Variants in RIC8B observed in about 807,000 individuals in gnomAD.
RIC8B encodes the protein chaperone Ric-8B.
Under a neutral mutation model 57.5 loss-of-function variants are expected in RIC8B, and 16 were observed. The ratio of observed to expected loss-of-function variants is 0.28; its 90% confidence interval spans 0.19 to 0.42. The LOEUF (loss-of-function observed/expected upper bound fraction) is 0.42, where lower values mean the gene tolerates loss of function less well. RIC8B is among the 10% of genes least tolerant of loss of function. The probability of loss-of-function intolerance (pLI) is 1.00; values close to 1 mark genes in which losing one functional copy is unlikely to be tolerated. For synonymous variants in RIC8B, 216 were observed against 250.8 expected, an observed-to-expected ratio of 0.86 and a Z score of 1.31; for missense variants, 481 against 677.0, an observed-to-expected ratio of 0.71 and a Z score of 3.21.
In RIC8B at chr12:106,842,685, T is replaced by C. The variant is rs1439118257; in HGVS notation, c.933T>C (p.Thr311=). The part of the protein sequence containing the change: ...THEETAQEAT[T]LDELPSNKTA... ...AAGAAACAGCCCAAGAGGCAACGAC[T>C]CTAGATGAACTGCCCAGTAATAAAA... The change falls in exon 5 of 10, where the codon ACT becomes ACC. Residue 311 remains threonine (T), a synonymous_variant. Coordinates refer to ENST00000392837, the MANE Select transcript of RIC8B (RefSeq NM_001330145.2). 6.2e-7 allele frequency: 1 copy of C among 1,613,880 alleles called. No individual in the cohort carries two copies. The highest frequency in any genetic ancestry group is 8.5e-7 in the Non-Finnish European group (1 of 1,179,886).
At chr12:106,792,480 C>A (rs1000128340) in intron 2 of RIC8B, among the ~76,000 whole-genome samples, 4 of 152,328 alleles carry the variant, frequency 2.6e-5, no homozygotes, top group African/African-American at 9.6e-5. Flanking sequence ...ATAGAGATTT[C>A]ATCAAGAAGT....
intron 4 of RIC8B, among the ~76,000 whole-genome samples, chr12:106,840,745 T>C (rs1948908590): frequency 6.6e-6 from 1 of 152,212 alleles, no homozygotes; most frequent in Non-Finnish European, 1.5e-5. Context: ...ATTTACTGAA[T>C]TCCTGGAAAC....
chr12:106,856,388 CT>C (rs1437146467), intron 7 of RIC8B, among the ~76,000 whole-genome samples: 1 of 152,186 alleles, frequency 6.6e-6, no homozygotes, highest in African/African-American at 2.4e-5. Context: ...TATTTTAAAT[CT>C]GTTCCCCTGT....
At position 106,867,933 on chromosome 12, in the gene RIC8B, G is replaced by T. The variant is rs1330997986; in HGVS notation, c.1452-2890G>T. 1.3e-5 allele frequency among the ~76,000 whole-genome samples: 2 copies of T among 152,192 alleles called. No individual in the cohort carries two copies. The highest frequency in any genetic ancestry group is 2.9e-5 in the Non-Finnish European group (2 of 68,034). ...AATGTTTTACTCTATGGCAAAAAATGAGTTCTTACTCTGTAAGAATGAATT... is the reference window on the plus strand; with the variant it reads ...AATGTTTTACTCTATGGCAAAAAATTAGTTCTTACTCTGTAAGAATGAATT... On this transcript the variant is annotated intron_variant, in intron 8 of 9. Coordinates refer to ENST00000392837, the MANE Select transcript of RIC8B (RefSeq NM_001330145.2). The surrounding 1 kb of genome is among the most constrained non-coding windows in gnomAD (Gnocchi z 4.3).
intron 9 of RIC8B, among the ~76,000 whole-genome samples, chr12:106,877,367 T>G (rs1228195167): frequency 6.6e-6 from 1 of 152,148 alleles, no homozygotes; most frequent in Non-Finnish European, 1.5e-5. Context: ...TGTCTGATTA[T>G]TTTTAAATAA....
intron 2 of RIC8B, among the ~76,000 whole-genome samples, chr12:106,802,623 A>G (rs1340582780): frequency 6.8e-6 from 1 of 146,272 alleles, no homozygotes; most frequent in Non-Finnish European, 1.5e-5. Context: ...ATCTGTTCTT[A>G]GAAATTCCCT....
At chr12:106,839,188 A>G (rs1321385747) in intron 4 of RIC8B, among the ~76,000 whole-genome samples, 2 of 152,224 alleles carry the variant, frequency 1.3e-5, no homozygotes, top group African/African-American at 4.8e-5. Context: ...AGGAAATAAA[A>G]TCACTGTTTC....
At chr12:106,812,322 A>G (rs1251079891) in intron 2 of RIC8B, among the ~76,000 whole-genome samples, 2 of 152,158 alleles carry the variant, frequency 1.3e-5, no homozygotes, top group East Asian at 1.9e-4. Context: ...CATGTCCCAG[A>G]GTTTCTCAGT....
At chr12:106,780,026 A>G (rs922616304) in intron 1 of RIC8B, among the ~76,000 whole-genome samples, 2 of 151,870 alleles carry the variant, frequency 1.3e-5, no homozygotes, top group African/African-American at 4.8e-5. Context: ...CTTCTCTAAT[A>G]ACACATTTAG....
chr12:106,786,027 T>C lies in RIC8B; in HGVS notation c.132+1983T>C, dbSNP rs187697061. 1.0e-3 allele frequency among the ~76,000 whole-genome samples: 155 copies of C among 151,884 alleles called. 2 individuals are homozygous for C. The East Asian group carries it at 0.022, about 22-fold the overall frequency. ...ATGCCCAGCCAATTTTTAAATTTTT[T>C]GTAGAGACGGGCTCTCACTCTGTTG... On this transcript the variant is annotated intron_variant, in intron 2 of 9. Coordinates refer to ENST00000392837, the MANE Select transcript of RIC8B (RefSeq NM_001330145.2).
In RIC8B at chr12:106,842,727, A is replaced by G. The variant is rs1287662295; in HGVS notation, c.975A>G (p.Thr325=). 6.2e-7 allele frequency: 1 copy of G among 1,613,964 alleles called. No individual in the cohort carries two copies. The highest frequency in any genetic ancestry group is 8.5e-7 in the Non-Finnish European group (1 of 1,179,838). ...GTAATAAAACAGCTGAGAAAGAAACAGTTTTGAAAAACAATACCATGGTAT... is the reference window on the plus strand; with the variant it reads ...GTAATAAAACAGCTGAGAAAGAAACGGTTTTGAAAAACAATACCATGGTAT... ...LPSNKTAEKE[T]VLKNNTMVYN... is the part of the protein sequence containing the mutation. Residue 325 remains threonine, a synonymous_variant, in exon 5 of 10, where the codon ACA becomes ACG. Transcript: ENST00000392837.
chr12:106,849,517 A>G (rs967935081), intron 6 of RIC8B, among the ~76,000 whole-genome samples: 13 of 151,858 alleles, frequency 8.6e-5, no homozygotes, highest in Non-Finnish European at 1.8e-4. Flanking sequence ...TACAAATTTA[A>G]GAAGGTTAGA....
At chr12:106,866,427 A>G (rs1950143387) in intron 8 of RIC8B, among the ~76,000 whole-genome samples, 1 of 151,832 alleles carries the variant, frequency 6.6e-6, no homozygotes, top group African/African-American at 2.4e-5. Flanking sequence ...TGTTCTTTAT[A>G]TTGTTTTTTG....
Position 106,807,550 on chromosome 12 carries a change from A to G in RIC8B, c.133-7146A>G, listed in dbSNP as rs577691482. 2.1e-3 allele frequency among the ~76,000 whole-genome samples: 318 copies of G among 152,322 alleles called. 1 individual carries two copies. The highest frequency in any genetic ancestry group is 4.4e-3 in the Admixed American group (67 of 15,304). On this transcript the variant is annotated intron_variant, in intron 2 of 9. Transcript: ENST00000392837. Reference sequence around the variant, plus strand: ...AGAGCCAGACCTGGAAATGGCATAGATCGTGTCTATACACTTTCATTCTAG... The same window carrying G: ...AGAGCCAGACCTGGAAATGGCATAGGTCGTGTCTATACACTTTCATTCTAG...
Position 106,815,269 on chromosome 12 carries a change from A to G in RIC8B, c.706A>G (p.Asn236Asp), listed in dbSNP as rs1432205132. The part of the protein sequence containing the change: ...CAIEALKALF[N>D]VTVDSWKVHK... ...CATTGAGGCCCTCAAAGCTCTCTTC[A>G]ATGTGACGGTAGACAGTTGGAAGGT... Residue 236 changes from asparagine (N) to aspartate (D), a missense_variant, in exon 3 of 10, where the codon AAT (asparagine) becomes GAT (aspartate). By Grantham distance (23) the Asn-to-Asp change is conservative. Coordinates refer to ENST00000392837, the MANE Select transcript of RIC8B (RefSeq NM_001330145.2). 1 of 1,613,868 alleles carries G rather than the reference A, an allele frequency of 6.2e-7. No individual in the cohort carries two copies. Among genetic ancestry groups the G allele is most frequent in the Non-Finnish European group, 8.5e-7 (1 of 1,179,912 alleles).
intron 3 of RIC8B, among the ~76,000 whole-genome samples, chr12:106,825,155 T>G (rs143749262): frequency 1.2e-4 from 18 of 152,346 alleles, no homozygotes; most frequent in African/African-American, 3.8e-4. Context: ...TTAGTTTATT[T>G]CCTACTGTTT....
chr12:106,851,613 G>GC lies in RIC8B; in HGVS notation c.1306+21dup, dbSNP rs751743617. On this transcript the variant is annotated intron_variant, in intron 7 of 9. Coordinates refer to ENST00000392837, the MANE Select transcript of RIC8B (RefSeq NM_001330145.2). ...GAGAGAGGTAGGTTAAACTCTCTTT[G>GC]CCTCTGCCTTTTATCTTTCAGAGGG... is the stretch of plus-strand genomic sequence containing the variant. The GC allele has an allele frequency of 6.2e-7, 1 of 1,607,196 alleles. No homozygotes were observed. Among genetic ancestry groups the GC allele is most frequent in the Non-Finnish European group, 8.5e-7 (1 of 1,176,272 alleles).
chr12:106,863,683 C>G (rs1257511014), intron 8 of RIC8B, among the ~76,000 whole-genome samples: 1 of 152,064 alleles, frequency 6.6e-6, no homozygotes, highest in African/African-American at 2.4e-5. Flanking sequence ...GAACCTGTTA[C>G]TGTAAGCAGT....
intron 6 of RIC8B, 46 bp from the exon 7 acceptor site, chr12:106,851,404 C>T (rs1593306183): frequency 6.8e-7 from 1 of 1,465,442 alleles, no homozygotes; most frequent in African/African-American, 1.5e-5. Flanking sequence ...TCCTCACTCA[C>T]TCTAGTAGCC....
Sources: allele counts gnomAD v4.1 joint callset (sites outside exome capture counted in the v4.1 genomes callset), GRCh38; gene constraint gnomAD v4.1.1; non-coding constraint Gnocchi (gnomAD v3.1); transcripts MANE v1.5; gene names NCBI Gene and HGNC (gene_info 2026-07-23, HGNC 2026-07-21).